Variants in TRIM34 observed in about 807,000 individuals in gnomAD.
The protein encoded by TRIM34 is E3 ubiquitin-protein ligase TRIM34.
A neutral mutation model predicts 38.1 loss-of-function variants in TRIM34; 41 were observed. That is an observed-to-expected ratio of 1.08 (90% CI 0.84 to 1.40). The LOEUF is 1.40. TRIM34 is among the 40% of genes most tolerant of loss of function. TRIM34 has a pLI of 0.00. For synonymous variants in TRIM34, 200 were observed against 202.5 expected (o/e 0.99, Z 0.10); for missense variants, 556 against 571.4 (o/e 0.97, Z 0.27).
At chr11:5,641,268 T>C (rs373830658) in intron 5 of TRIM34, 79 bp downstream of exon 5, 13 of 1,603,582 alleles carry the variant, frequency 8.1e-6, no homozygotes, top group Admixed American at 6.8e-5. Flanking sequence ...TGGTGGTCAA[T>C]TGGAATAAAA....
At chr11:5,637,366 A>C (rs902615084) in intron 4 of TRIM34, among the ~76,000 whole-genome samples, 1 of 152,276 alleles carries the variant, frequency 6.6e-6, no homozygotes, top group African/African-American at 2.4e-5. Flanking sequence ...TTCAACACTT[A>C]CTGCCAAAGA....
chr11:5,634,303 T>C (rs1010853855), intron 3 of TRIM34, among the ~76,000 whole-genome samples: 1 of 152,062 alleles, frequency 6.6e-6, no homozygotes, highest in East Asian at 1.9e-4. Context: ...TTTTATATTT[T>C]GTCTCAGGGT....
At chr11:5,641,423 G>T (rs1850007926) in intron 5 of TRIM34, 2 of 1,065,948 alleles carry the variant, frequency 1.9e-6, no homozygotes, top group East Asian at 3.0e-5. Flanking sequence ...CAGCCAAAAA[G>T]GATATTAAGG....
chr11:5,630,032 A>G (rs1849418974), intron 1 of TRIM34, among the ~76,000 whole-genome samples: 1 of 152,148 alleles, frequency 6.6e-6, no homozygotes, highest in Non-Finnish European at 1.5e-5. Context: ...CGGTGGTACA[A>G]GACCATGTGA....
At chr11:5,623,105 C>CTTTTTT (rs11301714), upstream of TRIM34, among the ~76,000 whole-genome samples, 13 of 106,828 alleles carry the variant, frequency 1.2e-4, no homozygotes, top group Non-Finnish European at 1.5e-4. Flanking sequence ...CTGTCTGGAG[C>CTTTTTT]TTTTTTTTTT....
At chr11:5,635,411 C>T (rs944135663) in intron 4 of TRIM34, among the ~76,000 whole-genome samples, 5 of 152,044 alleles carry the variant, frequency 3.3e-5, no homozygotes, top group South Asian at 2.1e-4. Flanking sequence ...CCCACCACCA[C>T]GTCTGGCTAA....
upstream of TRIM34, among the ~76,000 whole-genome samples, chr11:5,621,337 G>C (rs1236493836): frequency 6.6e-6 from 1 of 152,216 alleles, no homozygotes; most frequent in Non-Finnish European, 1.5e-5. Context: ...GGTGTCTCTA[G>C]ATAATTTCCC....
At chr11:5,620,324 C>T (rs1311632109), upstream of TRIM34, among the ~76,000 whole-genome samples, 3 of 151,318 alleles carry the variant, frequency 2.0e-5, no homozygotes, top group Non-Finnish European at 2.9e-5. Context: ...ACTACAGGCG[C>T]GCGCCACTGC....
chr11:5,641,306 G>A (rs1850001915), intron 5 of TRIM34, 117 bp downstream of exon 5: 3 of 1,565,590 alleles, frequency 1.9e-6, no homozygotes, highest in South Asian at 2.3e-5. Context: ...AAATTTGGAT[G>A]TATCGTTATC....
intron 1 of TRIM34, among the ~76,000 whole-genome samples, chr11:5,628,182 T>A (rs751215442): frequency 2.0e-5 from 3 of 152,216 alleles, no homozygotes; most frequent in African/African-American, 7.2e-5. Context: ...GGCATCAACA[T>A]GCATCCTCAC....
intron 1 of TRIM34, among the ~76,000 whole-genome samples, chr11:5,631,784 T>G (rs958414667): frequency 1.1e-4 from 17 of 152,172 alleles, no homozygotes; most frequent in African/African-American, 3.9e-4. Flanking sequence ...TTATCAAACA[T>G]TGTGCTTCTC....
intron 6 of TRIM34, 126 bp from the exon 7 acceptor site, chr11:5,642,690 CT>C (rs66637086): frequency 0.88 from 1,252,944 of 1,429,798 alleles, 551,274 homozygotes; most frequent in East Asian, 1. Context: ...TCTGGTTTAT[CT>C]TTTTAATTCA....
At chr11:5,642,321 A>T in intron 5 of TRIM34, 85 bp from the exon 6 acceptor site, 1 of 1,224,804 alleles carries the variant, frequency 8.2e-7, no homozygotes, top group Non-Finnish European at 1.2e-6. Context: ...TGCATCAGTG[A>T]TGTGAAGGAG....
chr11:5,629,137 C>T (rs1590159740), intron 1 of TRIM34, among the ~76,000 whole-genome samples: 1 of 151,960 alleles, frequency 6.6e-6, no homozygotes, highest in Non-Finnish European at 1.5e-5. Context: ...ATTAGTTGGG[C>T]GTGGTGGCAT....
chr11:5,636,606 C>A (rs1003661861), intron 4 of TRIM34, among the ~76,000 whole-genome samples: 2 of 152,096 alleles, frequency 1.3e-5, no homozygotes, highest in Admixed American at 6.6e-5. Flanking sequence ...CCCTTTGAAT[C>A]GCCACCTTCA....
intron 3 of TRIM34, 139 bp from the exon 4 acceptor site, chr11:5,634,492 T>TACAC (rs3060967): frequency 0.019 from 4,423 of 227,726 alleles, 60 homozygotes; most frequent in East Asian, 0.044. Flanking sequence ...ATAATATAAA[T>TACAC]ACACACACAC....
In TRIM34 at chr11:5,643,851, G is replaced by C; in HGVS notation, c.*142G>C. The C allele has an allele frequency of 3.4e-6, 4 of 1,168,278 alleles. No homozygotes were observed. Among genetic ancestry groups the C allele is most frequent in the Non-Finnish European group, 4.8e-6 (4 of 842,048 alleles). 72.4% of individuals were successfully genotyped at this position (1,168,278 alleles called of 1,614,324 possible). On this transcript the variant is annotated 3_prime_UTR_variant, in exon 8 of 8. Coordinates refer to ENST00000429814, the MANE Select transcript of TRIM34 (RefSeq NM_021616.6). ...ATCCTTGAGATGTATGGTGTATTTG[G>C]CTTGAGTTATGAGAGATGCTTATTT...
chr11:5,630,243 G>A (rs895400996), intron 1 of TRIM34, among the ~76,000 whole-genome samples: 2 of 152,192 alleles, frequency 1.3e-5, no homozygotes, highest in African/African-American at 2.4e-5. Flanking sequence ...GGATGGTGAT[G>A]GCGATGTGTT....
intron 5 of TRIM34, among the ~76,000 whole-genome samples, 165 bp from the exon 6 acceptor site, chr11:5,642,241 A>G (rs1850042590): frequency 2.0e-5 from 3 of 152,200 alleles, no homozygotes; most frequent in Middle Eastern, 3.2e-3. Context: ...AGACACAGTC[A>G]CATTTCTTCT....
Sources: allele counts gnomAD v4.1 joint callset (sites outside exome capture counted in the v4.1 genomes callset), GRCh38; gene constraint gnomAD v4.1.1; transcripts MANE v1.5; gene names NCBI Gene and HGNC (gene_info 2026-07-23, HGNC 2026-07-21).